Variants in SUPT3H observed in about 807,000 individuals in gnomAD.
SUPT3H encodes the protein transcription initiation protein SPT3 homolog.
In SUPT3H, 44 loss-of-function variants were observed where a neutral mutation model predicts 44.3. The ratio of observed to expected loss-of-function variants is 0.99; its 90% CI spans 0.78 to 1.28. The LOEUF (loss-of-function observed/expected upper bound fraction) is 1.28. SUPT3H is among the 50% of genes most tolerant of loss of function. The probability of loss-of-function intolerance (pLI) is 0.00; values close to 1 mark genes in which losing one functional copy is unlikely to be tolerated. For missense variants in SUPT3H, 380 were observed against 387.1 expected, an observed-to-expected ratio of 0.98 and a Z score of 0.15; for synonymous variants, 124 against 125.6, an observed-to-expected ratio of 0.99 and a Z score of 0.09.
At chr6:45,217,905 CA>C (rs34213506) in intron 2 of SUPT3H, among the ~76,000 whole-genome samples, 87,601 of 151,014 alleles carry the variant, frequency 0.58, 26,114 homozygotes, top group African/African-American at 0.73. Flanking sequence ...AAAAAGAAAA[CA>C]AAACAAAAAA....
intron 6 of SUPT3H, among the ~76,000 whole-genome samples, chr6:44,984,129 C>T (rs1582898104): frequency 6.6e-6 from 1 of 152,200 alleles, no homozygotes; most frequent in East Asian, 1.9e-4. Context: ...CTAGAAGCCT[C>T]TATGTGAGAG....
intron 6 of SUPT3H, among the ~76,000 whole-genome samples, chr6:44,967,518 T>C (rs1017535642): frequency 5.3e-5 from 8 of 152,228 alleles, no homozygotes; most frequent in African/African-American, 1.9e-4. Flanking sequence ...GATTGTGCCT[T>C]TGAAAAATAC....
intron 2 of SUPT3H, among the ~76,000 whole-genome samples, chr6:45,178,127 A>G (rs888625798): frequency 1.3e-5 from 2 of 152,172 alleles, no homozygotes; most frequent in African/African-American, 4.8e-5. Context: ...AGACTGGCAA[A>G]TTGGATAAAG....
At chr6:45,357,965 C>T (rs1793547105) in intron 2 of SUPT3H, among the ~76,000 whole-genome samples, 1 of 151,936 alleles carries the variant, frequency 6.6e-6, no homozygotes, top group South Asian at 2.1e-4. Context: ...ATTATTCATA[C>T]TTTCTAAAAA....
chr6:45,174,747 C>T (rs1811406867), intron 2 of SUPT3H, among the ~76,000 whole-genome samples: 1 of 151,674 alleles, frequency 6.6e-6, no homozygotes, highest in Non-Finnish European at 1.5e-5. Context: ...ATTATATTCT[C>T]CAAAAGTTTT....
chr6:45,145,936 C>T (rs1009673303), intron 2 of SUPT3H, among the ~76,000 whole-genome samples: 1 of 152,070 alleles, frequency 6.6e-6, no homozygotes, highest in African/African-American at 2.4e-5. Flanking sequence ...CACTAATGAT[C>T]AGGGAAATGC....
At chr6:45,348,642 T>C (rs1290301804) in intron 2 of SUPT3H, among the ~76,000 whole-genome samples, 3 of 137,888 alleles carry the variant, frequency 2.2e-5, no homozygotes, top group African/African-American at 8.3e-5. Context: ...ACCACTGCAC[T>C]CCAGCCTGGG....
chr6:44,889,757 C>T (rs866743720), intron 10 of SUPT3H, among the ~76,000 whole-genome samples: 2 of 151,866 alleles, frequency 1.3e-5, no homozygotes, highest in Non-Finnish European at 2.9e-5. Context: ...ACAAAATTGA[C>T]AAATGGGATC....
chr6:45,158,290 A>AT (rs1562572907), intron 2 of SUPT3H, among the ~76,000 whole-genome samples: 3 of 39,786 alleles, frequency 7.5e-5, no homozygotes, highest in Non-Finnish European at 1.6e-4. Context: ...ATATATATAT[A>AT]TATATATATT....
At chr6:45,171,671 A>G (rs1562600315) in intron 2 of SUPT3H, among the ~76,000 whole-genome samples, 1 of 151,598 alleles carries the variant, frequency 6.6e-6, no homozygotes, top group African/African-American at 2.4e-5. Context: ...GACTATTTGA[A>G]ATCATTCCCT....
At chr6:44,915,925 G>C (rs767940959) in intron 10 of SUPT3H, among the ~76,000 whole-genome samples, 163 of 152,192 alleles carry the variant, frequency 1.1e-3, no homozygotes, top group Non-Finnish European at 4.6e-4. Context: ...GACCTCCCAA[G>C]GGCTGCATCA....
At chr6:44,937,052 T>G (rs1051726178) in intron 9 of SUPT3H, among the ~76,000 whole-genome samples, 1 of 152,196 alleles carries the variant, frequency 6.6e-6, no homozygotes, top group Non-Finnish European at 1.5e-5. Flanking sequence ...GAAACTTAGG[T>G]TGACTGCATC....
chr6:45,283,201 C>T (rs1778511192), intron 2 of SUPT3H, among the ~76,000 whole-genome samples: 2 of 152,140 alleles, frequency 1.3e-5, no homozygotes, highest in South Asian at 4.1e-4. Context: ...AACCAGCTAA[C>T]ATCATAATGA....
intron 2 of SUPT3H, among the ~76,000 whole-genome samples, chr6:45,243,101 G>C (rs1047919422): frequency 6.7e-6 from 1 of 150,252 alleles, no homozygotes; most frequent in African/African-American, 2.5e-5. Flanking sequence ...GGCTGCGGTG[G>C]GAGGATTGCT....
chr6:44,897,843 T>G (rs1370443847), intron 10 of SUPT3H, among the ~76,000 whole-genome samples: 1 of 152,178 alleles, frequency 6.6e-6, no homozygotes, highest in African/African-American at 2.4e-5. Context: ...AACTCCTTCT[T>G]CACTGAGCCC....
intron 10 of SUPT3H, among the ~76,000 whole-genome samples, chr6:44,865,045 A>G (rs551967750): frequency 1.3e-5 from 2 of 152,324 alleles, no homozygotes; most frequent in African/African-American, 4.8e-5. Flanking sequence ...CTTCTGCCAG[A>G]TACCTTAAAT....
intron 2 of SUPT3H, among the ~76,000 whole-genome samples, chr6:45,175,921 A>G (rs1330279846): frequency 1.3e-5 from 2 of 152,250 alleles, no homozygotes; most frequent in Non-Finnish European, 2.9e-5. Context: ...GAATTACTTT[A>G]GAATCTTTGG....
rs1784957524 is a variant in SUPT3H, at chr6:45,020,408, A to G, written c.273+138T>C. On this transcript the variant is annotated intron_variant, in intron 4 of 10. Coordinates refer to ENST00000371459, the MANE Select transcript of SUPT3H (RefSeq NM_003599.4). Reference sequence around the variant, plus strand: ...CTTTTGTAAACACATTTTGTCGTCCAAACCATGAAGACTAAAACATCAGTT... The same window carrying G: ...CTTTTGTAAACACATTTTGTCGTCCGAACCATGAAGACTAAAACATCAGTT... 3 of 627,000 alleles carry G rather than the reference A, an allele frequency of 4.8e-6. No individual in the cohort carries two copies. The South Asian group carries it at 8.3e-5, about 17-fold the overall frequency. 38.8% of individuals were successfully genotyped at this position (627,000 alleles called of 1,614,324 possible). A position where few individuals can be genotyped will look rare whatever the true frequency, so the allele number is the denominator to read the frequency against.
intron 2 of SUPT3H, among the ~76,000 whole-genome samples, chr6:45,255,723 T>G (rs1312040657): frequency 1.3e-5 from 2 of 152,152 alleles, no homozygotes; most frequent in Non-Finnish European, 2.9e-5. Context: ...AAACCCAGAC[T>G]AGGTAGATAC....
Sources: allele counts gnomAD v4.1 joint callset (sites outside exome capture counted in the v4.1 genomes callset), GRCh38; gene constraint gnomAD v4.1.1; transcripts MANE v1.5; gene names NCBI Gene and HGNC (gene_info 2026-07-23, HGNC 2026-07-21).